Variants in PCLO observed in about 807,000 individuals in gnomAD.
PCLO encodes protein piccolo.
PCLO carries 82 observed loss-of-function variants against 427.5 expected under a neutral mutation model. The observed-to-expected ratio is 0.19, with a 90% confidence interval of 0.16 to 0.23. PCLO has a LOEUF of 0.23. Ranked by LOEUF, PCLO falls within the 10% of genes least tolerant of loss-of-function variation. PCLO has a pLI of 1.00. For missense variants in PCLO, 6,239 were observed against 6,115.9 expected (o/e 1.02, Z -0.67); for synonymous variants, 2,357 against 2,155.4 (o/e 1.09, Z -2.59).
At chr7:82,999,845 T>C (rs1787768976) in intron 3 of PCLO, among the ~76,000 whole-genome samples, 1 of 60,516 alleles carries the variant, frequency 1.7e-5, no homozygotes, top group Non-Finnish European at 2.5e-5. Context: ...ATATAAAATA[T>C]AATATATAAT....
chr7:82,999,185 A>G (rs1297531558), intron 3 of PCLO, among the ~76,000 whole-genome samples: 1 of 146,658 alleles, frequency 6.8e-6, no homozygotes, highest in Non-Finnish European at 1.5e-5. Context: ...ACAGAATAGA[A>G]TATTCCAGAA....
At chr7:82,996,729 T>C (rs911683391) in intron 3 of PCLO, among the ~76,000 whole-genome samples, 2 of 151,902 alleles carry the variant, frequency 1.3e-5, no homozygotes, top group African/African-American at 4.8e-5. Context: ...AAACAACAGG[T>C]TTTTTAATAC....
intron 20 of PCLO, among the ~76,000 whole-genome samples, chr7:82,818,521 G>A (rs1349759421): frequency 2.0e-5 from 3 of 152,052 alleles, no homozygotes; most frequent in African/African-American, 2.4e-5. Context: ...ATGGAATTCC[G>A]CCATCATTTC....
At chr7:83,148,731 T>C (rs1276583087) in intron 2 of PCLO, among the ~76,000 whole-genome samples, 3 of 150,556 alleles carry the variant, frequency 2.0e-5, no homozygotes, top group Admixed American at 6.6e-5. Flanking sequence ...ATGAGGTTGA[T>C]TGTTATTTTT....
intron 3 of PCLO, among the ~76,000 whole-genome samples, chr7:82,994,605 G>A (rs578120556): frequency 1.0e-4 from 12 of 118,400 alleles, no homozygotes; most frequent in African/African-American, 4.0e-4. Context: ...TTATTTTGGG[G>A]GTTCATAGTA....
At chr7:82,771,472 C>G (rs1781515335) in intron 22 of PCLO, among the ~76,000 whole-genome samples, 1 of 151,962 alleles carries the variant, frequency 6.6e-6, no homozygotes, top group African/African-American at 2.4e-5. Flanking sequence ...ATAAACTCAT[C>G]TGCAATCAAG....
chr7:83,065,286 C>T (rs1789640127), intron 3 of PCLO, among the ~76,000 whole-genome samples: 1 of 151,758 alleles, frequency 6.6e-6, no homozygotes, highest in Admixed American at 6.6e-5. Flanking sequence ...ACATAATTTC[C>T]TTGCTATAGT....
chr7:82,985,140 T>C (rs1796230251), intron 3 of PCLO, among the ~76,000 whole-genome samples: 1 of 151,926 alleles, frequency 6.6e-6, no homozygotes, highest in African/African-American at 2.4e-5. Context: ...TACATGGCCA[T>C]GTTTCTGAAA....
At chr7:83,156,484 T>G in intron 1 of PCLO, 92 bp from the exon 2 acceptor site, 1 of 756,390 alleles carries the variant, frequency 1.3e-6, no homozygotes, top group Non-Finnish European at 2.0e-6. Context: ...TGCTTATATC[T>G]TCAAAATTAT....
In PCLO at chr7:83,135,206, T is replaced by G; in HGVS notation, c.2344A>C (p.Lys782Gln). Residue 782 changes from lysine to glutamine, a missense_variant, in exon 3 of 25, where the codon AAA (lysine) becomes CAA (glutamine). Physicochemically the swap from Lys to Gln is moderately conservative, Grantham distance 53. Coordinates refer to ENST00000333891, the MANE Select transcript of PCLO (RefSeq NM_033026.6). ...TTCTCTTCAGCTTGTGACTGTACTT[T>G]GGAGCTTGGAATATCAGGTTTTGTT... The part of the protein sequence containing the change: ...ATTKPDIPSS[K>Q]VQSQAEEKTT... 1 of 1,613,950 alleles carries G rather than the reference T, an allele frequency of 6.2e-7. No homozygotes were observed. Among genetic ancestry groups the G allele is most frequent in the Non-Finnish European group, 8.5e-7 (1 of 1,179,876 alleles).
chr7:82,904,472 G>A (rs980515120), intron 8 of PCLO, among the ~76,000 whole-genome samples: 3 of 151,898 alleles, frequency 2.0e-5, no homozygotes, highest in Non-Finnish European at 4.4e-5. Flanking sequence ...ACTGTTAGGT[G>A]TAACTGAACT....
chr7:82,941,595 C>T (rs1795087453), intron 6 of PCLO, among the ~76,000 whole-genome samples: 1 of 151,938 alleles, frequency 6.6e-6, no homozygotes. Flanking sequence ...AACCAAGCAA[C>T]TGCATGTGAA....
At chr7:82,992,295 T>C (rs1796395983) in intron 3 of PCLO, among the ~76,000 whole-genome samples, 1 of 152,020 alleles carries the variant, frequency 6.6e-6, no homozygotes, top group South Asian at 2.1e-4. Context: ...TAAAGACTCA[T>C]CTCTGGAGGG....
chr7:83,062,559 C>G (rs951662875), intron 3 of PCLO, among the ~76,000 whole-genome samples: 4 of 152,086 alleles, frequency 2.6e-5, no homozygotes, highest in African/African-American at 9.7e-5. Flanking sequence ...CTGCCAATAC[C>G]TGGCATAAGA....
chr7:83,081,516 G>A (rs768424658), intron 3 of PCLO, among the ~76,000 whole-genome samples: 1 of 151,852 alleles, frequency 6.6e-6, no homozygotes, highest in Non-Finnish European at 1.5e-5. Flanking sequence ...AAAAATATCT[G>A]AAAAATTTAG....
At chr7:82,821,192 G>A in intron 20 of PCLO, 1 of 994,294 alleles carries the variant, frequency 1.0e-6, no homozygotes, top group African/African-American at 1.7e-5. Context: ...ATTGGCTGGT[G>A]GAGGCAGATT....
intron 8 of PCLO, 71 bp downstream of exon 8, chr7:82,908,806 T>A: frequency 7.6e-7 from 1 of 1,314,122 alleles, no homozygotes; most frequent in Non-Finnish European, 1.1e-6. Context: ...TTAGGACAAT[T>A]AAGACCATTC....
chr7:82,778,151 G>A (rs1368942539), intron 22 of PCLO, among the ~76,000 whole-genome samples: 4 of 151,968 alleles, frequency 2.6e-5, no homozygotes, highest in African/African-American at 9.7e-5. Context: ...TGCAGCCAAC[G>A]AGCATATGAA....
At chr7:82,801,171 T>C (rs945270061) in intron 22 of PCLO, among the ~76,000 whole-genome samples, 12 of 78,248 alleles carry the variant, frequency 1.5e-4, no homozygotes, top group East Asian at 1.1e-3. Flanking sequence ...TGATTTTCTA[T>C]TTGCATGATA....
Sources: gnomAD v4.1 joint callset for allele counts (sites outside exome capture counted in the v4.1 genomes callset) on GRCh38, gnomAD v4.1.1 for gene constraint, MANE v1.5 for transcripts, NCBI Gene and HGNC (gene_info 2026-07-23, HGNC 2026-07-21) for gene names.